Variants in DOCK8 observed in about 807,000 individuals in gnomAD.
The protein encoded by DOCK8 is dedicator of cytokinesis protein 8.
Under a neutral mutation model 245.6 loss-of-function variants are expected in DOCK8, and 141 were observed. That is an observed-to-expected ratio of 0.57 (90% confidence interval 0.50 to 0.66). DOCK8 has a LOEUF of 0.66. DOCK8 is among the 30% of genes least tolerant of loss of function. DOCK8 has a pLI of 0.00. For missense variants in DOCK8, 2,965 were observed against 2,603.4 expected (o/e 1.14, Z -3.02); for synonymous variants, 1,168 against 970.2 (o/e 1.20, Z -3.79).
intron 14 of DOCK8, among the ~76,000 whole-genome samples, chr9:345,757 G>A (rs2051852152): frequency 1.3e-5 from 2 of 152,056 alleles, no homozygotes; most frequent in African/African-American, 4.8e-5. Flanking sequence ...CATTCGAGTT[G>A]CATTCTAGTG....
chr9:294,403 T>C (rs909155827), intron 4 of DOCK8, among the ~76,000 whole-genome samples: 1 of 152,246 alleles, frequency 6.6e-6, no homozygotes, highest in Non-Finnish European at 1.5e-5. Flanking sequence ...GGCATTAAAC[T>C]GGCGTGTTCC....
intron 2 of DOCK8, among the ~76,000 whole-genome samples, chr9:285,445 A>G (rs1043105209): frequency 2.6e-5 from 4 of 152,156 alleles, no homozygotes; most frequent in African/African-American, 9.7e-5. Context: ...GGGTAGAGAT[A>G]GAGAAAAACA....
At chr9:215,908 A>G (rs553945217) in intron 1 of DOCK8, among the ~76,000 whole-genome samples, 12 of 152,318 alleles carry the variant, frequency 7.9e-5, no homozygotes, top group East Asian at 5.8e-4. Flanking sequence ...AACTCATTCT[A>G]AAGTGTCAAC....
chr9:302,504 C>G (rs1323591852), intron 4 of DOCK8, among the ~76,000 whole-genome samples: 1 of 152,098 alleles, frequency 6.6e-6, no homozygotes, highest in African/African-American at 2.4e-5. Context: ...ACAAGTGGGA[C>G]TTAATTAAAC....
chr9:464,607 G>T lies in DOCK8; in HGVS notation c.*388G>T. On this transcript the variant is annotated 3_prime_UTR_variant, in exon 48 of 48. Transcript: ENST00000432829. ...TAACTCAAATTGCCTGAGGAAAAAT[G>T]GAAAAATTATCCACCAGTCGATTCA... 1 of 260,044 alleles carries T rather than the reference G, an allele frequency of 3.8e-6. No homozygotes were observed. The highest frequency in any genetic ancestry group is 7.5e-6 in the Non-Finnish European group (1 of 132,668). The allele number at this position is 260,044 out of a possible 1,614,324, so 16.1% of individuals were successfully genotyped here. A position where few individuals can be genotyped will look rare whatever the true frequency, so the allele number is the denominator to read the frequency against.
At chr9:378,078 C>T (rs2053591131) in intron 20 of DOCK8, among the ~76,000 whole-genome samples, 1 of 152,126 alleles carries the variant, frequency 6.6e-6, no homozygotes, top group Non-Finnish European at 1.5e-5. Flanking sequence ...GTGACAATAA[C>T]CAAGAGCATC....
intron 5 of DOCK8, among the ~76,000 whole-genome samples, chr9:304,911 T>C (rs2049743401): frequency 6.7e-6 from 1 of 149,614 alleles, no homozygotes; most frequent in African/African-American, 2.4e-5. Context: ...AACCCAATGA[T>C]TAAAATAGAA....
intron 36 of DOCK8, 69 bp downstream of exon 36, chr9:429,923 A>C (rs1373780716): frequency 1.6e-5 from 25 of 1,564,342 alleles, no homozygotes; most frequent in Non-Finnish European, 2.1e-5. Flanking sequence ...ATCAGCTGCG[A>C]AAAAAAATAA....
At chr9:387,917 C>T (rs1449929727) in intron 23 of DOCK8, among the ~76,000 whole-genome samples, 1 of 152,170 alleles carries the variant, frequency 6.6e-6, no homozygotes, top group Non-Finnish European at 1.5e-5. Context: ...AGAATAGAGA[C>T]ATTTTATTTC....
Position 325,711 on chromosome 9 carries a change from C to G in DOCK8, c.868C>G (p.Leu290Val), listed in dbSNP as rs1447847034. The G allele has an allele frequency of 1.2e-6, 2 of 1,613,880 alleles. No homozygotes were observed. The highest frequency in any genetic ancestry group is 1.7e-6 in the Non-Finnish European group (2 of 1,179,934). Residue 290 changes from leucine to valine, a missense_variant, in exon 8 of 48, where the codon CTC (leucine) becomes GTC (valine). This residue lies in a region of DOCK8 where 2,825 missense variants were observed against 2,453.5 expected (regional missense o/e 1.15). Transcript: ENST00000432829. ...TGAGCCCCTGTTTGCCAGCATTGCCCTCTACGATGTTAAAGAAAGGAAAAA... is the reference window on the plus strand; with the variant it reads ...TGAGCCCCTGTTTGCCAGCATTGCCGTCTACGATGTTAAAGAAAGGAAAAA... ...EIEPLFASIA[L>V]YDVKERKKIS...
At chr9:247,036 A>G (rs977018462) in intron 1 of DOCK8, among the ~76,000 whole-genome samples, 6 of 152,220 alleles carry the variant, frequency 3.9e-5, no homozygotes, top group African/African-American at 1.2e-4. Flanking sequence ...GAATTCCTTA[A>G]TTAATATTGA....
upstream of DOCK8, among the ~76,000 whole-genome samples, chr9:211,577 C>A (rs1415314243): frequency 1.3e-5 from 2 of 151,962 alleles, no homozygotes; most frequent in African/African-American, 4.8e-5. Context: ...GAATGAAAGC[C>A]ACTGTGAGAA....
chr9:411,678 T>C (rs539738192), intron 28 of DOCK8, among the ~76,000 whole-genome samples: 2 of 152,074 alleles, frequency 1.3e-5, no homozygotes, highest in Non-Finnish European at 2.9e-5. Context: ...TGAATATAGA[T>C]GTAAGACCCT....
rs1393263809 is a variant in DOCK8 at position 294,507 on chromosome 9, C to A, written c.404+4926C>A. On this transcript the variant is annotated intron_variant, in intron 4 of 47. Coordinates refer to ENST00000432829, the MANE Select transcript of DOCK8 (RefSeq NM_203447.4). ...TATTATTTTAATCTGGAAGCTATTA[C>A]ACCTACTTTCTGAATACAGTTTCCT... Among the ~76,000 whole-genome samples, 4 of 152,224 alleles carry A rather than the reference C, an allele frequency of 2.6e-5. No homozygotes were observed. The East Asian group carries it at 7.7e-4, about 29-fold the overall frequency.
intron 33 of DOCK8, among the ~76,000 whole-genome samples, chr9:424,713 T>C (rs2056416244): frequency 6.6e-6 from 1 of 152,190 alleles, no homozygotes; most frequent in Admixed American, 6.5e-5. Flanking sequence ...CCTGGTCAGA[T>C]GGTAAAGCTT....
chr9:400,798 C>T (rs1211715481), intron 26 of DOCK8, among the ~76,000 whole-genome samples: 4 of 112,360 alleles, frequency 3.6e-5, no homozygotes, highest in African/African-American at 1.6e-4. Flanking sequence ...CCATCACCAC[C>T]ACCTCCACCA....
At chr9:356,523 C>G (rs1240855844) in intron 14 of DOCK8, among the ~76,000 whole-genome samples, 2 of 128,138 alleles carry the variant, frequency 1.6e-5, no homozygotes, top group African/African-American at 5.7e-5. Context: ...GAGCGAGACT[C>G]TGTCTCAAAA....
chr9:368,280 G>T, intron 15 of DOCK8, 145 bp downstream of exon 15: 1 of 794,120 alleles, frequency 1.3e-6, no homozygotes, highest in Non-Finnish European at 2.3e-6. Flanking sequence ...TCTGTGCCCA[G>T]GATATCAGTG....
At chr9:230,995 G>C (rs1274540794) in intron 1 of DOCK8, among the ~76,000 whole-genome samples, 1 of 152,054 alleles carries the variant, frequency 6.6e-6, no homozygotes, top group Non-Finnish European at 1.5e-5. Flanking sequence ...GTCCTGAATG[G>C]TATTGCCTAG....
Sources: gnomAD v4.1 joint callset for allele counts (sites outside exome capture counted in the v4.1 genomes callset) on GRCh38, gnomAD v4.1.1 for gene constraint, gnomAD v4.1.1 regional missense constraint, MANE v1.5 for transcripts, NCBI Gene and HGNC (gene_info 2026-07-23, HGNC 2026-07-21) for gene names.